NHLRC2: variants seen among roughly 807,000 people sequenced by gnomAD.
The protein encoded by NHLRC2 is NHL repeat containing 2.
A neutral mutation model predicts 68.1 loss-of-function variants in NHLRC2; 33 were observed. That is an observed-to-expected ratio of 0.48 (90% CI 0.37 to 0.65). The LOEUF (loss-of-function observed/expected upper bound fraction) is 0.65, where lower values mean the gene tolerates loss of function less well. Among genes scored for constraint, NHLRC2 ranks in the 30% least tolerant of loss-of-function variants. NHLRC2 has a pLI of 0.00. For missense variants in NHLRC2, 761 were observed against 853.8 expected (o/e 0.89, Z 1.35); for synonymous variants, 311 against 309.6 (o/e 1.00, Z -0.05).
chr10:113,885,284 GCACTTAA>G (rs1846071039), intron 5 of NHLRC2, among the ~76,000 whole-genome samples: 2 of 151,718 alleles, frequency 1.3e-5, no homozygotes, highest in Admixed American at 6.6e-5. Context: ...AGTACTACCC[GCACTTAA>G]CACTTAAGTA....
intron 1 of NHLRC2, among the ~76,000 whole-genome samples, 189 bp from the exon 2 acceptor site, chr10:113,858,339 G>T (rs1220936202): frequency 6.6e-6 from 1 of 151,264 alleles, no homozygotes; most frequent in Non-Finnish European, 1.5e-5. Context: ...TTCTTTTGTT[G>T]ATAGAAAATG....
rs972204761 is a variant in NHLRC2 at position 113,912,897 on chromosome 10, T to A, written c.*4361T>A. The A allele has an allele frequency of 6.6e-6, 1 of 152,130 alleles. No individual in the cohort carries two copies. Among genetic ancestry groups the A allele is most frequent in the African/African-American group, 2.4e-5 (1 of 41,420 alleles). The allele number at this position is 152,130 out of a possible 1,614,324, so 9.4% of individuals were successfully genotyped here. ...AGGCACGGGTCTCCTCATTCCTAACTCCAAGATGCAGAGGGAAAACGAACT... is the reference window on the plus strand; with the variant it reads ...AGGCACGGGTCTCCTCATTCCTAACACCAAGATGCAGAGGGAAAACGAACT... On this transcript the variant is annotated 3_prime_UTR_variant, in exon 11 of 11. Coordinates refer to ENST00000369301, the MANE Select transcript of NHLRC2 (RefSeq NM_198514.4).
In NHLRC2 at chr10:113,854,823, G is replaced by A; in HGVS notation, c.-50G>A. 1.3e-6 allele frequency: 2 copies of A among 1,496,946 alleles called. No individual in the cohort carries two copies. Among genetic ancestry groups the A allele is most frequent in the Non-Finnish European group, 1.8e-6 (2 of 1,117,266 alleles). The allele number at this position is 1,496,946 out of a possible 1,614,324, so 92.7% of individuals were successfully genotyped here. A position where few individuals can be genotyped will look rare whatever the true frequency, so the allele number is the denominator to read the frequency against. On this transcript the variant is annotated 5_prime_UTR_variant, in exon 1 of 11. Transcript: ENST00000369301. Reference sequence around the variant, plus strand: ...GACAGTGAACGTTTCGTCTCTCCCAGCGAGACTCTCCCGCGGGCCCGGCGG... The same window carrying A: ...GACAGTGAACGTTTCGTCTCTCCCAACGAGACTCTCCCGCGGGCCCGGCGG...
intron 2 of NHLRC2, among the ~76,000 whole-genome samples, chr10:113,867,481 C>T (rs138457101): frequency 2.1e-3 from 323 of 152,288 alleles, no homozygotes; most frequent in African/African-American, 7.4e-3. Flanking sequence ...CGATTTTGAT[C>T]CTTTCATTTT....
In NHLRC2 at chr10:113,879,704, C is replaced by A. The variant is rs1381699340; in HGVS notation, c.909+9C>A. ...ACCACCTTATAAGAAAGGTAATTTT[C>A]ATTTTAAATTTGTTTTAATACTTAC... is the stretch of plus-strand genomic sequence containing the variant. On this transcript the variant is annotated intron_variant, in intron 4 of 10. Transcript: ENST00000369301. The A allele has an allele frequency of 6.2e-6, 9 of 1,444,462 alleles. No individual in the cohort carries two copies. Among genetic ancestry groups the A allele is most frequent in the South Asian group, 1.3e-5 (1 of 78,598 alleles). 89.5% of individuals were successfully genotyped at this position (1,444,462 alleles called of 1,614,324 possible). A position where few individuals can be genotyped will look rare whatever the true frequency, so the allele number is the denominator to read the frequency against.
chr10:113,902,440 G>T (rs746694608), intron 7 of NHLRC2, 31 bp from the exon 8 acceptor site: 1 of 1,384,794 alleles, frequency 7.2e-7, no homozygotes, highest in Admixed American at 2.2e-5. Flanking sequence ...TATAATAACT[G>T]CTGTTTCTTT....
rs576263719 is a variant in NHLRC2 at position 113,910,794 on chromosome 10, G to A, written c.*2258G>A. The A allele has an allele frequency of 4.6e-5, 7 of 152,200 alleles. No individual in the cohort carries two copies. In the South Asian group the frequency reaches 1.5e-3, roughly 32 times the overall value. 9.4% of individuals were successfully genotyped at this position (152,200 alleles called of 1,614,324 possible). On this transcript the variant is annotated 3_prime_UTR_variant, in exon 11 of 11. Transcript: ENST00000369301. ...TCTAGACAGTTTTAGGTTAGCCTTAGCTTATACTTTTCTTGACTTTCAAAA... is the reference window on the plus strand; with the variant it reads ...TCTAGACAGTTTTAGGTTAGCCTTAACTTATACTTTTCTTGACTTTCAAAA...
At chr10:113,891,664 C>T (rs1846132900) in intron 5 of NHLRC2, among the ~76,000 whole-genome samples, 1 of 152,202 alleles carries the variant, frequency 6.6e-6, no homozygotes, top group Non-Finnish European at 1.5e-5. Context: ...CCTCAGCTTT[C>T]AGTCGTCCCT....
At chr10:113,905,689 T>A (rs953271440) in intron 10 of NHLRC2, among the ~76,000 whole-genome samples, 1 of 152,142 alleles carries the variant, frequency 6.6e-6, no homozygotes, top group Admixed American at 6.5e-5. Flanking sequence ...AATTTTCCAT[T>A]TCCTTCCCAA....
intron 2 of NHLRC2, among the ~76,000 whole-genome samples, chr10:113,865,151 G>A (rs1230166967): frequency 2.0e-5 from 3 of 151,794 alleles, no homozygotes; most frequent in Admixed American, 6.6e-5. Context: ...GGGTTTCACC[G>A]TGTTAGCCAG....
chr10:113,911,408 T>C lies in NHLRC2; in HGVS notation c.*2872T>C, dbSNP rs1215488176. On this transcript the variant is annotated 3_prime_UTR_variant, in exon 11 of 11. Transcript: ENST00000369301. Reference sequence around the variant, plus strand: ...ATGACTATGAAAAATAATTTTTTTCTTAACTGTTCTAATAATATTTAGTTA... The same window carrying C: ...ATGACTATGAAAAATAATTTTTTTCCTAACTGTTCTAATAATATTTAGTTA... 6.6e-6 allele frequency: 1 copy of C among 152,120 alleles called. No individual in the cohort carries two copies. Among genetic ancestry groups the C allele is most frequent in the Non-Finnish European group, 1.5e-5 (1 of 67,976 alleles). The allele number at this position is 152,120 out of a possible 1,614,324, so 9.4% of individuals were successfully genotyped here. A position where few individuals can be genotyped will look rare whatever the true frequency, so the allele number is the denominator to read the frequency against.
intron 2 of NHLRC2, among the ~76,000 whole-genome samples, chr10:113,874,516 G>T (rs1367372550): frequency 6.7e-6 from 1 of 149,540 alleles, no homozygotes; most frequent in African/African-American, 2.5e-5. Flanking sequence ...ATTTTCAGCA[G>T]TTTGTTTATG....
intron 2 of NHLRC2, among the ~76,000 whole-genome samples, chr10:113,865,890 C>A (rs116556852): frequency 6.3e-4 from 96 of 152,158 alleles, no homozygotes; most frequent in South Asian, 1.7e-3. Context: ...ATTGAATTTG[C>A]TTTTTTGTAG....
intron 6 of NHLRC2, among the ~76,000 whole-genome samples, chr10:113,900,029 T>A (rs1846214277): frequency 1.6e-5 from 1 of 62,188 alleles, no homozygotes; most frequent in Admixed American, 2.3e-4. Flanking sequence ...AACAGTGACC[T>A]GATAAGAGTA....
chr10:113,869,255 A>G (rs1845899720), intron 2 of NHLRC2, among the ~76,000 whole-genome samples: 1 of 152,182 alleles, frequency 6.6e-6, no homozygotes, highest in Non-Finnish European at 1.5e-5. Context: ...ATTGATTACT[A>G]CAGAGATGTC....
intron 2 of NHLRC2, among the ~76,000 whole-genome samples, chr10:113,865,446 T>C (rs1265169378): frequency 6.6e-6 from 1 of 152,120 alleles, no homozygotes; most frequent in African/African-American, 2.4e-5. Context: ...ATTTCTTTTT[T>C]AGATTACCGT....
intron 2 of NHLRC2, among the ~76,000 whole-genome samples, chr10:113,863,936 C>A (rs1352296228): frequency 6.6e-6 from 1 of 152,094 alleles, no homozygotes; most frequent in Non-Finnish European, 1.5e-5. Context: ...CCTGAATAGA[C>A]CTATATCTGG....
In NHLRC2 at chr10:113,884,247, A is replaced by G. The variant is rs183395394; in HGVS notation, c.910-4A>G. ...GCATAAAACCATCCTTTGAATTTCT[A>G]TAGATTGACCTAGAAGCTGAGAAGG... On this transcript the variant is annotated splice_region_variant and splice_polypyrimidine_tract_variant and intron_variant, in intron 4 of 10. Transcript: ENST00000369301. 6.0e-4 allele frequency: 957 copies of G among 1,606,100 alleles called. 2 individuals are homozygous for G. Among genetic ancestry groups the G allele is most frequent in the Admixed American group, 1.6e-3 (96 of 59,060 alleles).
At position 113,914,947 on chromosome 10, in the gene NHLRC2, G is replaced by A. The variant is rs995510064; in HGVS notation, c.*6411G>A. Reference sequence around the variant, plus strand: ...CATATGAGCTCTGGAGGTTCGCCTGGCTGCCTCAGGCTTGCAGAAGGCTGC... The same window carrying A: ...CATATGAGCTCTGGAGGTTCGCCTGACTGCCTCAGGCTTGCAGAAGGCTGC... On this transcript the variant is annotated 3_prime_UTR_variant, in exon 11 of 11. Coordinates refer to ENST00000369301, the MANE Select transcript of NHLRC2 (RefSeq NM_198514.4). 4.4e-6 allele frequency: 2 copies of A among 455,852 alleles called. No homozygotes were observed. Among genetic ancestry groups the A allele is most frequent in the African/African-American group, 2.0e-5 (1 of 50,058 alleles). The allele number at this position is 455,852 out of a possible 1,614,324, so 28.2% of individuals were successfully genotyped here. A position where few individuals can be genotyped will look rare whatever the true frequency, so the allele number is the denominator to read the frequency against.
Sources: allele counts gnomAD v4.1 joint callset (sites outside exome capture counted in the v4.1 genomes callset), GRCh38; gene constraint gnomAD v4.1.1; transcripts MANE v1.5; gene names NCBI Gene and HGNC (gene_info 2026-07-23, HGNC 2026-07-21).